Variants in KIF13A observed in about 807,000 individuals in gnomAD.
KIF13A encodes the protein kinesin family member 13A.
A neutral mutation model predicts 212.2 loss-of-function variants in KIF13A; 79 were observed. That is an observed-to-expected ratio of 0.37 (90% CI 0.31 to 0.45). KIF13A has a LOEUF of 0.45. Among genes scored for constraint, KIF13A ranks in the 20% least tolerant of loss-of-function variants. The pLI is 1.00. For missense variants in KIF13A, 1,901 were observed against 2,209.0 expected (o/e 0.86, Z 2.79); for synonymous variants, 789 against 808.6 (o/e 0.98, Z 0.41).
chr6:17,834,143 G>T lies in KIF13A; in HGVS notation c.1156-72C>A. 2.2e-6 allele frequency: 2 copies of T among 894,412 alleles called. No homozygotes were observed. The allele number at this position is 894,412 out of a possible 1,614,324, so 55.4% of individuals were successfully genotyped here. ...ATCATATACAAGACAATCAGTTACT[G>T]TCCCTCTTAAGCAGTTATCAATAGT... is the stretch of plus-strand genomic sequence containing the variant. On this transcript the variant is annotated intron_variant, in intron 11 of 38. Transcript: ENST00000259711. The surrounding 1 kb of genome is among the most constrained non-coding windows in gnomAD (Gnocchi z 4.0).
rs1304380522 is a variant in KIF13A, at chr6:17,926,990, T to C, written c.147-28810A>G. 1.3e-5 allele frequency among the ~76,000 whole-genome samples: 2 copies of C among 151,890 alleles called. No individual in the cohort carries two copies. The highest frequency in any genetic ancestry group is 2.9e-5 in the Non-Finnish European group (2 of 67,964). On this transcript the variant is annotated intron_variant, in intron 2 of 38. Coordinates refer to ENST00000259711, the MANE Select transcript of KIF13A (RefSeq NM_022113.6). This position sits in a 1 kb window ranked among gnomAD's most constrained non-coding sequence, Gnocchi z 4.3. ...TCATCTCTACTAAAAATACAAAAAT[T>C]AGCCAGGTGTGGTGGTGCATGTGAC...
At chr6:17,804,175 A>AAACAAAC (rs1762732729) in intron 20 of KIF13A, among the ~76,000 whole-genome samples, 186 bp downstream of exon 20, 2 of 104,078 alleles carry the variant, frequency 1.9e-5, no homozygotes, top group African/African-American at 7.0e-5. Context: ...AACAAACAAA[A>AAACAAAC]CCATGACTTA....
chr6:17,944,781 T>C (rs1777243046), intron 2 of KIF13A, among the ~76,000 whole-genome samples: 1 of 151,912 alleles, frequency 6.6e-6, no homozygotes, highest in East Asian at 1.9e-4. Flanking sequence ...CTCTTCTTGA[T>C]CAAAAGAAAT....
intron 3 of KIF13A, among the ~76,000 whole-genome samples, chr6:17,890,494 T>C (rs1771944674): frequency 6.6e-6 from 1 of 152,124 alleles, no homozygotes; most frequent in South Asian, 2.1e-4. Flanking sequence ...TACCTATCAA[T>C]AGAGCATACA....
chr6:17,969,703 C>G (rs1779638138), intron 2 of KIF13A, among the ~76,000 whole-genome samples: 1 of 152,116 alleles, frequency 6.6e-6, no homozygotes, highest in African/African-American at 2.4e-5. Context: ...ACTTGCATAT[C>G]TGGTTCTCTG....
In KIF13A at chr6:17,856,602, C is replaced by G. The variant is rs1768164454; in HGVS notation, c.221-480G>C. Among the ~76,000 whole-genome samples, 1 of 152,200 alleles carries G rather than the reference C, an allele frequency of 6.6e-6. No individual in the cohort carries two copies. Among genetic ancestry groups the G allele is most frequent in the South Asian group, 2.1e-4 (1 of 4,830 alleles). On this transcript the variant is annotated intron_variant, in intron 4 of 38. Transcript: ENST00000259711. This position sits in a 1 kb window ranked among gnomAD's most constrained non-coding sequence, Gnocchi z 4.5. The stretch of plus-strand genomic sequence containing the variant: ...GTTGCTGAGGATGGATTGACAACTT[C>G]AGCTGCTGTTTGTAGATTCACAGGC...
chr6:17,980,761 A>G (rs761059286), intron 2 of KIF13A, among the ~76,000 whole-genome samples: 38 of 152,348 alleles, frequency 2.5e-4, no homozygotes, highest in African/African-American at 7.9e-4. Context: ...TCATAGCTCA[A>G]TGTCAACAAT....
intron 38 of KIF13A, among the ~76,000 whole-genome samples, chr6:17,765,286 CT>C (rs1291152429): frequency 6.6e-6 from 1 of 152,146 alleles, no homozygotes. Context: ...TCAAAATTAG[CT>C]TTTAGTTGTG....
At chr6:17,819,499 T>A (rs1020175281) in intron 16 of KIF13A, among the ~76,000 whole-genome samples, 1 of 151,560 alleles carries the variant, frequency 6.6e-6, no homozygotes, top group South Asian at 2.1e-4. Context: ...GAGGCGGAGG[T>A]TGTAGTGAGC....
chr6:17,902,604 C>A (rs758223572), intron 2 of KIF13A, among the ~76,000 whole-genome samples: 1 of 152,136 alleles, frequency 6.6e-6, no homozygotes, highest in Non-Finnish European at 1.5e-5. Flanking sequence ...TCCACTCTGC[C>A]GGATCATACC....
At chr6:17,767,698 C>T (rs991953107) in intron 38 of KIF13A, among the ~76,000 whole-genome samples, 3 of 152,172 alleles carry the variant, frequency 2.0e-5, no homozygotes, top group African/African-American at 4.8e-5. Context: ...AAGTTATTTA[C>T]TTCAAGGAAA....
At chr6:17,948,973 G>C (rs746899011) in intron 2 of KIF13A, among the ~76,000 whole-genome samples, 1 of 151,898 alleles carries the variant, frequency 6.6e-6, no homozygotes, top group Non-Finnish European at 1.5e-5. Flanking sequence ...AATACTTTTC[G>C]ACTAACAATA....
At chr6:17,833,928 T>A in intron 12 of KIF13A, 33 bp downstream of exon 12, 1 of 1,053,750 alleles carries the variant, frequency 9.5e-7, no homozygotes, top group Non-Finnish European at 1.4e-6. Flanking sequence ...TGAAAAAGAA[T>A]CCCAATATTT....
rs74782561 is a variant in KIF13A at position 17,809,769 on chromosome 6, T to C, written c.2001-839A>G. On this transcript the variant is annotated intron_variant, in intron 17 of 38. Transcript: ENST00000259711. This position sits in a 1 kb window ranked among gnomAD's most constrained non-coding sequence, Gnocchi z 4.7. ...TCCATCTAGCAATTGCTCTGTGTCA[T>C]ATATAACTTCTCTTTTCCACCATTT... is the stretch of plus-strand genomic sequence containing the variant. Among the ~76,000 whole-genome samples, 7 of 152,312 alleles carry C rather than the reference T, an allele frequency of 4.6e-5. No homozygotes were observed. In the East Asian group the frequency reaches 1.4e-3, roughly 29 times the overall value.
At chr6:17,973,891 A>C (rs976980853) in intron 2 of KIF13A, among the ~76,000 whole-genome samples, 1 of 152,198 alleles carries the variant, frequency 6.6e-6, no homozygotes, top group African/African-American at 2.4e-5. Flanking sequence ...CACAACTCTC[A>C]AACCAGAAAG....
intron 2 of KIF13A, among the ~76,000 whole-genome samples, chr6:17,985,302 G>A (rs1307503422): frequency 6.6e-6 from 1 of 152,130 alleles, no homozygotes; most frequent in East Asian, 1.9e-4. Flanking sequence ...TTACCTAAAA[G>A]ATCCTGATTA....
intron 38 of KIF13A, among the ~76,000 whole-genome samples, chr6:17,770,014 T>G (rs1194602691): frequency 1.3e-5 from 2 of 152,108 alleles, no homozygotes; most frequent in African/African-American, 2.4e-5. Flanking sequence ...ACATTAGGAA[T>G]GAGAAGGTTG....
chr6:17,853,311 T>C (rs1692804918), intron 6 of KIF13A, among the ~76,000 whole-genome samples: 1 of 152,154 alleles, frequency 6.6e-6, no homozygotes, highest in African/African-American at 2.4e-5. Flanking sequence ...TATAATGCTA[T>C]TCAGCAGCAA....
intron 2 of KIF13A, among the ~76,000 whole-genome samples, chr6:17,906,639 A>G (rs1773528868): frequency 6.6e-6 from 1 of 151,818 alleles, no homozygotes; most frequent in Non-Finnish European, 1.5e-5. Context: ...TTGTCAAGAC[A>G]GGGTCTTGGC....
Sources: allele counts gnomAD v4.1 joint callset (sites outside exome capture counted in the v4.1 genomes callset), GRCh38; gene constraint gnomAD v4.1.1; non-coding constraint Gnocchi (gnomAD v3.1); transcripts MANE v1.5; gene names NCBI Gene and HGNC (gene_info 2026-07-23, HGNC 2026-07-21).